The following ARHGAP4 variants were observed in gnomAD, a reference collection of about 807,000 sequenced individuals.
The protein encoded by ARHGAP4 is Rho GTPase activating protein 4.
A neutral mutation model predicts 67.6 loss-of-function variants in ARHGAP4; 25 were observed. That is an observed-to-expected ratio of 0.37 (90% CI 0.27 to 0.52). The LOEUF (loss-of-function observed/expected upper bound fraction) is 0.52, where lower values mean the gene tolerates loss of function less well. ARHGAP4 is among the 20% of genes least tolerant of loss of function. The pLI is 0.92. For missense variants in ARHGAP4, 804 were observed against 854.6 expected (o/e 0.94, Z 0.74); for synonymous variants, 448 against 373.7 (o/e 1.20, Z -2.29).
chrX:153,914,014 C>G, intron 7 of ARHGAP4, 135 bp from the exon 8 acceptor site: 1 of 522,678 alleles, frequency 1.9e-6, no homozygotes, highest in Non-Finnish European at 3.2e-6. Context: ...AGACGCTCAG[C>G]TGAAGAATGG....
At position 153,910,994 on chromosome X, in the gene ARHGAP4, G is replaced by A; in HGVS notation, c.1609C>T (p.Gln537Ter). ...GATACCCGGAAGATGCCTTCATGCT[G>A]CAGGCCTGTGGGAGGACAAGGAGCT... The part of the protein sequence containing the change: ...CIRFINLNGL[Q>*]HEGIFRVSGA... The change falls in exon 14 of 22, where the codon CAG becomes TAG. Residue 537 changes from glutamine (Q) to a stop codon, truncating the protein, a stop_gained. Coordinates refer to ENST00000350060, the MANE Select transcript of ARHGAP4 (RefSeq NM_001666.5). LOFTEE classifies it high-confidence loss of function. 3 of 1,166,655 alleles carry A rather than the reference G, an allele frequency of 2.6e-6. No homozygotes were observed. Among genetic ancestry groups the A allele is most frequent in the Non-Finnish European group, 3.4e-6 (3 of 873,478 alleles).
chrX:153,922,064 G>T (rs1197363754), intron 1 of ARHGAP4: 2 of 994,745 alleles, frequency 2.0e-6, no homozygotes, highest in African/African-American at 3.9e-5. Context: ...ACCCGGTTGA[G>T]GGGGAAGGGG....
Position 153,913,457 on chromosome X carries a change from C to G in ARHGAP4, c.1278G>C (p.Ala426=), listed in dbSNP as rs1201792732. Residue 426 remains alanine (A), a synonymous_variant, in exon 9 of 22, where the codon GCG becomes GCC. Transcript: ENST00000350060. ...CCTGCTGCTGGCCGCGCCTCCGGCC[C>G]GCCTGCCGGCTGCCTGGGTCTGAGC... ...STSSDPGSRQ[A]GRRRGQQQET... is the part of the protein sequence containing the mutation. The G allele has an allele frequency of 3.1e-5, 37 of 1,210,273 alleles. No homozygotes were observed. The highest frequency in any genetic ancestry group is 4.0e-5 in the Non-Finnish European group (36 of 895,155).
At chrX:153,915,013 G>A (rs1359031538) in intron 7 of ARHGAP4, among the ~76,000 whole-genome samples, 2 of 112,451 alleles carry the variant, frequency 1.8e-5, no homozygotes, top group African/African-American at 3.2e-5. Context: ...ACCAAGCCCC[G>A]CCGTACAGGA....
rs186581498 is a variant in ARHGAP4 at position 153,907,748 on chromosome X, G to A, written c.2822C>T (p.Thr941Met). 2.0e-4 allele frequency: 196 copies of A among 1,003,083 alleles called. No individual in the cohort carries two copies. In the East Asian group the frequency reaches 5.9e-3, roughly 30 times the overall value. The allele number at this position is 1,003,083 out of a possible 1,213,427, so 82.7% of individuals were successfully genotyped here. A position where few individuals can be genotyped will look rare whatever the true frequency, so the allele number is the denominator to read the frequency against. The change falls in exon 22 of 22, where the codon ACG becomes ATG. Residue 941 changes from threonine to methionine, a missense_variant. Coordinates refer to ENST00000350060, the MANE Select transcript of ARHGAP4 (RefSeq NM_001666.5). The part of the protein sequence containing the change: ...PSASHPQGLD[T>M]TPKPH ...GGCACCTCAGTGTGGCTTGGGGGTC[G>A]TGTCTAGGCCCTGGGGGTGGGAAGC...
At chrX:153,909,195 G>A in intron 20 of ARHGAP4, 26 bp from the exon 21 acceptor site, 2 of 1,160,759 alleles carry the variant, frequency 1.7e-6, no homozygotes, top group East Asian at 6.1e-5. Flanking sequence ...GGAGCCTGGT[G>A]GGGGCCCTGG....
At position 153,926,119 on chromosome X, in the gene ARHGAP4, G is replaced by GC. The variant is rs1240677032; in HGVS notation, c.67+16dup. The stretch of plus-strand genomic sequence containing the variant: ...TCTCCGCAGGAAACGGGCCGGGAGC[G>GC]CCCGGCGCCCTCTCACCTTTGACTT... On this transcript the variant is annotated intron_variant, in intron 1 of 21. Coordinates refer to ENST00000350060, the MANE Select transcript of ARHGAP4 (RefSeq NM_001666.5). The GC allele has an allele frequency of 8.3e-7, 1 of 1,200,870 alleles. No homozygotes were observed. Among genetic ancestry groups the GC allele is most frequent in the Non-Finnish European group, 1.1e-6 (1 of 890,226 alleles).
intron 8 of ARHGAP4, 72 bp from the exon 9 acceptor site, chrX:153,913,672 G>A: frequency 1.7e-6 from 2 of 1,168,359 alleles, no homozygotes; most frequent in Non-Finnish European, 1.2e-6. Flanking sequence ...CAAGTCAGAA[G>A]GAAGGGGCCA....
intron 1 of ARHGAP4, among the ~76,000 whole-genome samples, chrX:153,923,259 G>A (rs1417813134): frequency 1.8e-5 from 2 of 111,286 alleles, no homozygotes; most frequent in African/African-American, 3.3e-5. Context: ...CAGCAGCAGC[G>A]AGGGAGGACT....
chrX:153,907,972 G>A lies in ARHGAP4; in HGVS notation c.2608-10C>T, dbSNP rs1557101670. The A allele has an allele frequency of 8.8e-7, 1 of 1,135,458 alleles. No individual in the cohort carries two copies. Among genetic ancestry groups the A allele is most frequent in the Non-Finnish European group, 1.2e-6 (1 of 858,070 alleles). The allele number at this position is 1,135,458 out of a possible 1,213,427, so 93.6% of individuals were successfully genotyped here. A position where few individuals can be genotyped will look rare whatever the true frequency, so the allele number is the denominator to read the frequency against. Reference sequence around the variant, plus strand: ...TGTTCTGTGCCACAGCCTAGCGGAGGGGAAAGAAAGGGAGAGTGACCAGTG... The same window carrying A: ...TGTTCTGTGCCACAGCCTAGCGGAGAGGAAAGAAAGGGAGAGTGACCAGTG... On this transcript the variant is annotated splice_polypyrimidine_tract_variant and intron_variant, in intron 21 of 21. Transcript: ENST00000350060.
chrX:153,910,270 G>A lies in ARHGAP4; in HGVS notation c.2057C>T (p.Thr686Met), dbSNP rs782156126. Residue 686 changes from threonine to methionine, a missense_variant, in exon 17 of 22, where the codon ACG becomes ATG. Physicochemically the swap from Thr to Met is moderately conservative, Grantham distance 81. This residue lies in a region of ARHGAP4 where 400 missense variants were observed against 348.7 expected (regional missense o/e 1.15). Coordinates refer to ENST00000350060, the MANE Select transcript of ARHGAP4 (RefSeq NM_001666.5). Reference protein sequence around the residue: ...LQGRVNQLVQTLIVQPDRVFP... With the variant: ...LQGRVNQLVQMLIVQPDRVFP... ...GACCCGATCGGGCTGCACTATGAGC[G>A]TCTGCACCAGCTGGTTCACCCGGCC... is the stretch of plus-strand genomic sequence containing the variant. The A allele has an allele frequency of 9.9e-6, 12 of 1,209,012 alleles. No individual in the cohort carries two copies. The highest frequency in any genetic ancestry group is 1.7e-5 in the African/African-American group (1 of 57,425).
intron 12 of ARHGAP4, among the ~76,000 whole-genome samples, chrX:153,912,170 T>C (rs1470854836): frequency 9.3e-6 from 1 of 107,337 alleles, no homozygotes; most frequent in African/African-American, 3.4e-5. Context: ...TACAGGCACG[T>C]GCCACCATGC....
At position 153,921,683 on chromosome X, in the gene ARHGAP4, C is replaced by T. The variant is rs782416687; in HGVS notation, c.194G>A (p.Arg65Gln). The change falls in exon 2 of 22, where the codon CGG (arginine) becomes CAG (glutamine). Residue 65 changes from arginine (R) to glutamine (Q), a missense_variant. Arg to Gln is a conservative substitution (Grantham distance 43, BLOSUM62 1). Around this residue, in one of 2 missense-constraint regions of ARHGAP4, gnomAD observed 404 missense variants for 505.9 expected, o/e 0.80. Transcript: ENST00000350060. The stretch of plus-strand genomic sequence containing the variant: ...GCGCTCGGCCAGCTTTTCCAGGCCC[C>T]GGGAGTATTCCAGCTCCACCTCAGC... The part of the protein sequence containing the change: ...RRAEVELEYS[R>Q]GLEKLAERFS... 7 of 1,208,901 alleles carry T rather than the reference C, an allele frequency of 5.8e-6. No individual in the cohort carries two copies. The highest frequency in any genetic ancestry group is 7.8e-6 in the Non-Finnish European group (7 of 894,485).
rs782678857 is a variant in ARHGAP4 at position 153,910,412 on chromosome X, G to T, written c.1923-8C>A. On this transcript the variant is annotated splice_region_variant and splice_polypyrimidine_tract_variant and intron_variant, in intron 16 of 21. Transcript: ENST00000350060. ...TCGCTGTACTGGGCCAGGCTGGGGG[G>T]ACACGCACATCACAAGCAGAGAGCC... is the stretch of plus-strand genomic sequence containing the variant. The T allele has an allele frequency of 3.4e-6, 4 of 1,192,676 alleles. No individual in the cohort carries two copies. The South Asian group carries it at 5.5e-5, about 16-fold the overall frequency.
chrX:153,919,299 C>T lies in ARHGAP4; in HGVS notation c.682-16G>A, dbSNP rs1455609720. 3.3e-6 allele frequency: 4 copies of T among 1,210,891 alleles called. No individual in the cohort carries two copies. Among genetic ancestry groups the T allele is most frequent in the African/African-American group, 1.7e-5 (1 of 57,449 alleles). ...TGGCCTGCCGCTACTCAAGACAATGCAAGCGTGCCAGGGTCACGCACGTGG... is the reference window on the plus strand; with the variant it reads ...TGGCCTGCCGCTACTCAAGACAATGTAAGCGTGCCAGGGTCACGCACGTGG... On this transcript the variant is annotated splice_polypyrimidine_tract_variant and intron_variant, in intron 5 of 21. Coordinates refer to ENST00000350060, the MANE Select transcript of ARHGAP4 (RefSeq NM_001666.5).
At chrX:153,925,877 T>G (rs994721734) in intron 1 of ARHGAP4, among the ~76,000 whole-genome samples, 3 of 112,901 alleles carry the variant, frequency 2.7e-5, no homozygotes, top group Non-Finnish European at 5.6e-5. Context: ...CACTGAACCT[T>G]GGGTGAGAAG....
intron 18 of ARHGAP4, 42 bp downstream of exon 18, chrX:153,909,970 T>C: frequency 8.3e-7 from 1 of 1,209,182 alleles, no homozygotes; most frequent in South Asian, 1.8e-5. Context: ...GTGTGGACAC[T>C]AGGGTGGGGA....
chrX:153,909,396 C>G, intron 20 of ARHGAP4, 47 bp downstream of exon 20: 17 of 1,096,685 alleles, frequency 1.6e-5, no homozygotes, highest in Non-Finnish European at 2.0e-5. Flanking sequence ...CCCCTCTGGC[C>G]TAGAACAGCA....
At chrX:153,925,073 A>T (rs1001486978) in intron 1 of ARHGAP4, among the ~76,000 whole-genome samples, 5 of 111,619 alleles carry the variant, frequency 4.5e-5, no homozygotes, top group Non-Finnish European at 7.5e-5. Flanking sequence ...CAAGTCTTTC[A>T]GCTTCATGGC....
Sources: gnomAD v4.1 joint callset for allele counts (sites outside exome capture counted in the v4.1 genomes callset) on GRCh38, gnomAD v4.1.1 for gene constraint, gnomAD v4.1.1 regional missense constraint, MANE v1.5 for transcripts, NCBI Gene and HGNC (gene_info 2026-07-23, HGNC 2026-07-21) for gene names.